Variants in GMDS observed in about 807,000 individuals in gnomAD.
GMDS encodes GDP-mannose 4,6 dehydratase.
GMDS carries 20 observed loss-of-function variants against 49.9 expected under a neutral mutation model. The observed-to-expected ratio is 0.40, with a 90% confidence interval of 0.28 to 0.58. The LOEUF is 0.58. Among genes scored for constraint, GMDS ranks in the 20% least tolerant of loss-of-function variants. The pLI is 0.42. For synonymous variants in GMDS, 177 were observed against 178.6 expected (o/e 0.99, Z 0.07); for missense variants, 362 against 481.4 (o/e 0.75, Z 2.32).
rs531126146 is a variant in GMDS, at chr6:1,787,574, T to A, written c.772-44988A>T. On this transcript the variant is annotated intron_variant, in intron 7 of 10. Transcript: ENST00000380815. ...AGTATCAATTGGTTTGACTCTTTTT[T>A]AAACAACAAAATTAATATGCAAAGT... Among the ~76,000 whole-genome samples, 4 of 152,368 alleles carry A rather than the reference T, an allele frequency of 2.6e-5. No homozygotes were observed. In the South Asian group the frequency reaches 6.2e-4, roughly 24 times the overall value.
chr6:1,773,039 C>A (rs1768643569), intron 7 of GMDS, among the ~76,000 whole-genome samples: 1 of 152,080 alleles, frequency 6.6e-6, no homozygotes, highest in South Asian at 2.1e-4. Flanking sequence ...AGGGTTAAAG[C>A]AAACTGCAAG....
intron 7 of GMDS, among the ~76,000 whole-genome samples, chr6:1,908,906 A>T (rs1760909780): frequency 6.6e-6 from 1 of 152,238 alleles, no homozygotes; most frequent in African/African-American, 2.4e-5. Context: ...AAGGCAAGCC[A>T]TTTTAGCTGG....
At chr6:1,829,356 C>T (rs71550087) in intron 7 of GMDS, among the ~76,000 whole-genome samples, 12,584 of 152,138 alleles carry the variant, frequency 0.083, 662 homozygotes, top group East Asian at 0.19. Context: ...TTTGTATAAC[C>T]AAATAAAAAA....
At position 1,778,482 on chromosome 6, in the gene GMDS, G is replaced by A. The variant is rs1045220952; in HGVS notation, c.772-35896C>T. Among the ~76,000 whole-genome samples the A allele has an allele frequency of 6.6e-6, 1 of 152,116 alleles. No homozygotes were observed. Among genetic ancestry groups the A allele is most frequent in the African/African-American group, 2.4e-5 (1 of 41,398 alleles). On this transcript the variant is annotated intron_variant, in intron 7 of 10. Transcript: ENST00000380815. The surrounding 1 kb of genome is among the most constrained non-coding windows in gnomAD (Gnocchi z 4.6). ...AGGAACTGTGGAATTCAAGAGGAGG[G>A]GGCAGCCTTCCTGACCTGGAACTTA... is the stretch of plus-strand genomic sequence containing the variant.
At chr6:1,636,049 C>A (rs1763137518) in intron 9 of GMDS, among the ~76,000 whole-genome samples, 1 of 152,186 alleles carries the variant, frequency 6.6e-6, no homozygotes, top group Admixed American at 6.5e-5. Context: ...AAGAGACATT[C>A]CCAGAATGTC....
At chr6:1,752,774 C>T (rs1466182733) in intron 7 of GMDS, among the ~76,000 whole-genome samples, 1 of 152,154 alleles carries the variant, frequency 6.6e-6, no homozygotes, top group Non-Finnish European at 1.5e-5. Context: ...AATTCCATAT[C>T]CAGCCAAAGT....
intron 4 of GMDS, among the ~76,000 whole-genome samples, chr6:2,097,042 G>C (rs1306454756): frequency 6.6e-6 from 1 of 151,574 alleles, no homozygotes; most frequent in Admixed American, 6.6e-5. Context: ...AATTCAACAG[G>C]TATCATTTTA....
chr6:1,792,981 T>C (rs977126687), intron 7 of GMDS, among the ~76,000 whole-genome samples: 1 of 152,220 alleles, frequency 6.6e-6, no homozygotes, highest in Non-Finnish European at 1.5e-5. Flanking sequence ...CATATGATAA[T>C]TTCCTTATAT....
At chr6:2,209,441 C>T (rs1424077791) in intron 1 of GMDS, among the ~76,000 whole-genome samples, 2 of 152,196 alleles carry the variant, frequency 1.3e-5, no homozygotes, top group Non-Finnish European at 2.9e-5. Context: ...AGTAGTCCCG[C>T]ACAATAGGCA....
chr6:1,747,485 T>TACAC (rs1161157008), intron 7 of GMDS, among the ~76,000 whole-genome samples: 24 of 3,004 alleles, frequency 8.0e-3, no homozygotes, highest in African/African-American at 0.019. Context: ...CTCATGCGTG[T>TACAC]GCGCGCACAC....
chr6:1,968,725 C>G (rs1307348962), intron 4 of GMDS, among the ~76,000 whole-genome samples: 3 of 152,108 alleles, frequency 2.0e-5, no homozygotes, highest in Non-Finnish European at 4.4e-5. Flanking sequence ...ACATACTGTA[C>G]TCTTACTTCA....
At chr6:1,727,091 C>T (rs1766617865) in intron 8 of GMDS, among the ~76,000 whole-genome samples, 1 of 152,092 alleles carries the variant, frequency 6.6e-6, no homozygotes. Flanking sequence ...ATGATTAAAC[C>T]TCCAAAAAGT....
chr6:1,944,618 C>T (rs1007406472), intron 6 of GMDS, among the ~76,000 whole-genome samples: 10 of 146,658 alleles, frequency 6.8e-5, no homozygotes, highest in African/African-American at 2.5e-4. Flanking sequence ...TGCAGTGAGC[C>T]GAGATCGTGC....
intron 9 of GMDS, among the ~76,000 whole-genome samples, chr6:1,632,026 T>C (rs1358294737): frequency 6.6e-6 from 1 of 152,230 alleles, no homozygotes; most frequent in Non-Finnish European, 1.5e-5. Flanking sequence ...CAGGTGTCTA[T>C]ACTACATGGT....
At chr6:2,150,583 T>C (rs1264076605) in intron 1 of GMDS, among the ~76,000 whole-genome samples, 1 of 152,168 alleles carries the variant, frequency 6.6e-6, no homozygotes, top group African/African-American at 2.4e-5. Flanking sequence ...TTCAGTTTTC[T>C]CATCTATAAA....
chr6:2,202,247 G>A (rs1796669), intron 1 of GMDS, among the ~76,000 whole-genome samples: 1 of 145,636 alleles, frequency 6.9e-6, no homozygotes, highest in South Asian at 2.3e-4. Flanking sequence ...TGAAGAGAGA[G>A]CACCACATGG....
At chr6:2,169,916 A>C (rs910941647) in intron 1 of GMDS, among the ~76,000 whole-genome samples, 1 of 151,792 alleles carries the variant, frequency 6.6e-6, no homozygotes, top group African/African-American at 2.4e-5. Context: ...ATTAGAAAAG[A>C]GGACTGGCTG....
chr6:2,166,698 C>T (rs1384470004), intron 1 of GMDS, among the ~76,000 whole-genome samples: 3 of 152,188 alleles, frequency 2.0e-5, no homozygotes, highest in Non-Finnish European at 4.4e-5. Flanking sequence ...AAGTCAGGCG[C>T]TATCTTACTC....
intron 4 of GMDS, among the ~76,000 whole-genome samples, chr6:1,963,264 T>C (rs1764070924): frequency 6.6e-6 from 1 of 151,946 alleles, no homozygotes; most frequent in African/African-American, 2.4e-5. Flanking sequence ...CATAGCAAAC[T>C]ATAGCCTCAA....
Sources: gnomAD v4.1 joint callset for allele counts (sites outside exome capture counted in the v4.1 genomes callset) on GRCh38, gnomAD v4.1.1 for gene constraint, Gnocchi (gnomAD v3.1) non-coding constraint, MANE v1.5 for transcripts, NCBI Gene and HGNC (gene_info 2026-07-23, HGNC 2026-07-21) for gene names.